CMTR1: variants seen among roughly 807,000 people sequenced by gnomAD.
CMTR1 encodes the protein cap methyltransferase 1, also known as cap-specific mRNA (nucleoside-2'-O-)-methyltransferase 1.
In CMTR1, 39 loss-of-function variants were observed where a neutral mutation model predicts 107.0. The observed-to-expected ratio is 0.36, with a 90% confidence interval of 0.28 to 0.48. The LOEUF (loss-of-function observed/expected upper bound fraction) is 0.48. CMTR1 is among the 20% of genes least tolerant of loss of function. The pLI is 0.99. For synonymous variants in CMTR1, 366 were observed against 379.5 expected, an observed-to-expected ratio of 0.96 and a Z score of 0.41; for missense variants, 672 against 1,064.9, an observed-to-expected ratio of 0.63 and a Z score of 5.14.
chr6:37,437,941 G>C (rs940559734), intron 2 of CMTR1, among the ~76,000 whole-genome samples: 6 of 152,184 alleles, frequency 3.9e-5, no homozygotes, highest in Non-Finnish European at 7.3e-5. Flanking sequence ...AAGAAGGTAA[G>C]TGTATAAGGG....
chr6:37,440,702 T>G (rs950135974), intron 2 of CMTR1, among the ~76,000 whole-genome samples: 1 of 152,078 alleles, frequency 6.6e-6, no homozygotes, highest in African/African-American at 2.4e-5. Context: ...TACACCAGAG[T>G]CACCACTGAT....
chr6:37,425,079 G>C, the CMTR1 span, among the ~76,000 whole-genome samples: 1 of 150,866 alleles, frequency 6.6e-6, no homozygotes, highest in Non-Finnish European at 1.5e-5. Context: ...CTCCAGAGTA[G>C]CTGGGATTAC....
chr6:37,455,985 T>C (rs1374752147), intron 8 of CMTR1, among the ~76,000 whole-genome samples: 1 of 152,228 alleles, frequency 6.6e-6, no homozygotes, highest in African/African-American at 2.4e-5. Flanking sequence ...GAACGCCAGC[T>C]GTCCTTCCTG....
At chr6:37,479,452 A>C (rs544059726) in intron 23 of CMTR1, among the ~76,000 whole-genome samples, 197 bp downstream of exon 23, 143 of 152,340 alleles carry the variant, frequency 9.4e-4, no homozygotes, top group Middle Eastern at 6.8e-3. Context: ...AGAGCTGGTG[A>C]GGGAAGCACG....
intron 13 of CMTR1, among the ~76,000 whole-genome samples, chr6:37,467,500 A>G (rs377246478): frequency 2.6e-5 from 4 of 152,120 alleles, no homozygotes; most frequent in East Asian, 1.9e-4. Context: ...GTGTTTTTCA[A>G]ATTTTCTAAA....
At chr6:37,462,724 A>T (rs966292691) in intron 12 of CMTR1, 105 bp from the exon 13 acceptor site, 58 of 1,077,870 alleles carry the variant, frequency 5.4e-5, no homozygotes, top group Non-Finnish European at 7.0e-5. Context: ...CCTAAGGTTG[A>T]ACAGGGAAGC....
chr6:37,425,805 A>C, the CMTR1 span, among the ~76,000 whole-genome samples: 1 of 152,008 alleles, frequency 6.6e-6, no homozygotes, highest in Non-Finnish European at 1.5e-5. Flanking sequence ...AAGCTTCTTG[A>C]ATCTTTATAT....
chr6:37,457,136 C>G (rs1021602344), intron 8 of CMTR1, among the ~76,000 whole-genome samples: 5 of 151,466 alleles, frequency 3.3e-5, no homozygotes, highest in African/African-American at 1.2e-4. Flanking sequence ...AAGAGGATTG[C>G]CTGAGCTCAG....
At chr6:37,464,964 GTATACATATAA>G (rs1761476217) in intron 13 of CMTR1, among the ~76,000 whole-genome samples, 2 of 149,612 alleles carry the variant, frequency 1.3e-5, no homozygotes, top group African/African-American at 5.0e-5. Flanking sequence ...TATGTATATA[GTATACATATAA>G]TATGTATATT....
chr6:37,462,724 A>G, intron 12 of CMTR1, 105 bp from the exon 13 acceptor site: 1 of 1,077,990 alleles, frequency 9.3e-7, no homozygotes, highest in Non-Finnish European at 1.4e-6. Flanking sequence ...CCTAAGGTTG[A>G]ACAGGGAAGC....
intron 3 of CMTR1, 125 bp from the exon 4 acceptor site, chr6:37,446,165 TA>T: frequency 1.9e-6 from 2 of 1,060,998 alleles, no homozygotes; most frequent in Non-Finnish European, 1.4e-6. Context: ...TTCATTAGGC[TA>T]AGACAAACTT....
At position 37,476,169 on chromosome 6, in the gene CMTR1, A is replaced by G; in HGVS notation, c.2080A>G (p.Ser694Gly). 14 of 1,614,088 alleles carry G rather than the reference A, an allele frequency of 8.7e-6. No homozygotes were observed. The highest frequency in any genetic ancestry group is 1.2e-5 in the Non-Finnish European group (14 of 1,180,000). The change falls in exon 20 of 24, where the codon AGT (serine) becomes GGT (glycine). Residue 694 changes from serine (S) to glycine (G), a missense_variant. By Grantham distance (56) the Ser-to-Gly change is moderately conservative. Around this residue, in one of 2 missense-constraint regions of CMTR1, gnomAD observed 583 missense variants for 968.4 expected, o/e 0.60. Transcript: ENST00000373451. ...EKFVKAVSKP[S>G]RPDMNPIRVK... The stretch of plus-strand genomic sequence containing the variant: ...ATTTGTGAAAGCCGTTTCCAAGCCT[A>G]GTCGGCCCGACATGAATCCCATCAG...
chr6:37,444,981 A>G (rs578103356), intron 3 of CMTR1, among the ~76,000 whole-genome samples: 1 of 152,304 alleles, frequency 6.6e-6, no homozygotes, highest in African/African-American at 2.4e-5. Flanking sequence ...AGCTGAGATC[A>G]CGCCACTGCA....
At chr6:37,435,954 T>G (rs1440764207) in intron 2 of CMTR1, among the ~76,000 whole-genome samples, 192 bp downstream of exon 2, 1 of 152,188 alleles carries the variant, frequency 6.6e-6, no homozygotes, top group Non-Finnish European at 1.5e-5. Context: ...TGGGGAAACT[T>G]GTTTTAAATA....
At chr6:37,445,235 C>T (rs1406233940) in intron 3 of CMTR1, among the ~76,000 whole-genome samples, 1 of 152,180 alleles carries the variant, frequency 6.6e-6, no homozygotes, top group Admixed American at 6.5e-5. Flanking sequence ...ATAGGAATTC[C>T]ATCCAGCTCT....
intron 1 of CMTR1, among the ~76,000 whole-genome samples, 186 bp downstream of exon 1, chr6:37,433,563 ACACACGTCTCTG>A (rs1331883667): frequency 2.0e-5 from 3 of 152,174 alleles, no homozygotes; most frequent in African/African-American, 7.2e-5. Flanking sequence ...GCTGCCGCTG[ACACACGTCTCTG>A]CGCACACATT....
At chr6:37,457,212 G>A (rs2646926) in intron 8 of CMTR1, among the ~76,000 whole-genome samples, 103,980 of 147,300 alleles carry the variant, frequency 0.71, 37,318 homozygotes, top group African/African-American at 0.83. Context: ...GTGAGACCTC[G>A]TTGCCAAAAA....
In CMTR1 at chr6:37,451,857, C is replaced by T. The variant is rs1394826528; in HGVS notation, c.589C>T (p.His197Tyr). 1.9e-6 allele frequency: 3 copies of T among 1,613,316 alleles called. No homozygotes were observed. Among genetic ancestry groups the T allele is most frequent in the Non-Finnish European group, 2.5e-6 (3 of 1,179,720 alleles). Residue 197 changes from histidine (H) to tyrosine (Y), a missense_variant, in exon 6 of 24, where the codon CAC (histidine) becomes TAC (tyrosine). Coordinates refer to ENST00000373451, the MANE Select transcript of CMTR1 (RefSeq NM_015050.3). ...AGAGTTTTGTGGGGAAGAGCTGCTT[C>T]ACAGTGTGTTGCAGTGTAAGGTAAG... ...ETEFCGEELL[H>Y]SVLQCKSVFD...
At chr6:37,478,865 G>A (rs572876069) in intron 22 of CMTR1, among the ~76,000 whole-genome samples, 2 of 152,178 alleles carry the variant, frequency 1.3e-5, no homozygotes, top group Non-Finnish European at 2.9e-5. Flanking sequence ...TCTTCAGAGC[G>A]CTCTGGCTAA....
Sources: allele counts gnomAD v4.1 joint callset (sites outside exome capture counted in the v4.1 genomes callset), GRCh38; gene constraint gnomAD v4.1.1; regional missense constraint gnomAD v4.1.1; transcripts MANE v1.5; gene names NCBI Gene and HGNC (gene_info 2026-07-23, HGNC 2026-07-21).